The following COL11A1 variants were observed in gnomAD, a reference collection of about 807,000 sequenced individuals.
COL11A1 encodes collagen type XI alpha 1 chain, also known as collagen alpha-1(XI) chain.
COL11A1 carries 74 observed loss-of-function variants against 265.2 expected under a neutral mutation model. That is an observed-to-expected ratio of 0.28 (90% CI 0.23 to 0.34). The LOEUF is 0.34. COL11A1 is among the 10% of genes least tolerant of loss of function. The pLI is 1.00. For synonymous variants in COL11A1, 816 were observed against 727.6 expected, an observed-to-expected ratio of 1.12 and a Z score of -1.96; for missense variants, 2,165 against 2,263.6, an observed-to-expected ratio of 0.96 and a Z score of 0.88.
At chr1:102,899,485 T>C (rs1197639460) in intron 54 of COL11A1, among the ~76,000 whole-genome samples, 1 of 152,110 alleles carries the variant, frequency 6.6e-6, no homozygotes, top group Non-Finnish European at 1.5e-5. Context: ...ATTATGATGG[T>C]CAACAGACAC....
chr1:102,898,172 G>T lies in COL11A1; in HGVS notation c.4255C>A (p.Gln1419Lys). Residue 1419 changes from glutamine (Q) to lysine (K), a missense_variant, in exon 57 of 67, where the codon CAA becomes AAA. Physicochemically the swap from Gln to Lys is moderately conservative, Grantham distance 53. Transcript: ENST00000370096. ...TGGCCTGCAGCTCCAGGGAGACCTT[G>T]TTCTCCCTAGAGAAAATAAAAATGA... ...LRGIPGPVGEQGLPGAAGQDG... is the reference protein window; with the variant it reads ...LRGIPGPVGEKGLPGAAGQDG... The T allele has an allele frequency of 7.0e-7, 1 of 1,424,164 alleles. No homozygotes were observed. The highest frequency in any genetic ancestry group is 9.3e-7 in the Non-Finnish European group (1 of 1,074,438). 88.2% of individuals were successfully genotyped at this position (1,424,164 alleles called of 1,614,324 possible). A position where few individuals can be genotyped will look rare whatever the true frequency, so the allele number is the denominator to read the frequency against.
chr1:102,970,296 C>G, intron 36 of COL11A1, 24 bp from the exon 37 acceptor site: 2 of 1,570,714 alleles, frequency 1.3e-6, no homozygotes, highest in Admixed American at 1.7e-5. Flanking sequence ...TATTAAATAC[C>G]ACATGTCATA....
In COL11A1 at chr1:102,877,913, C is replaced by T. The variant is rs878890922; in HGVS notation, c.*106G>A. 4.0e-5 allele frequency: 45 copies of T among 1,118,648 alleles called. No individual in the cohort carries two copies. Among genetic ancestry groups the T allele is most frequent in the South Asian group, 3.0e-4 (24 of 79,804 alleles). 69.3% of individuals were successfully genotyped at this position (1,118,648 alleles called of 1,614,324 possible). A position where few individuals can be genotyped will look rare whatever the true frequency, so the allele number is the denominator to read the frequency against. On this transcript the variant is annotated 3_prime_UTR_variant, in exon 67 of 67. Transcript: ENST00000370096. ...TCCTAAATGGTACCTGTATATGCAG[C>T]GTTGTTTTCTATACCATCCTTATTC...
intron 54 of COL11A1, among the ~76,000 whole-genome samples, chr1:102,901,432 CCACT>C: frequency 6.6e-6 from 1 of 152,154 alleles, no homozygotes; most frequent in Admixed American, 6.5e-5. Flanking sequence ...CAAAATGTGG[CCACT>C]CAATCTTGGA....
intron 2 of COL11A1, among the ~76,000 whole-genome samples, chr1:103,080,581 G>A (rs1012966619): frequency 3.3e-5 from 5 of 151,726 alleles, no homozygotes; most frequent in East Asian, 1.9e-4. Flanking sequence ...GCTCAACATC[G>A]TTAATCATTA....
At chr1:102,881,384 T>A (rs1650217759) in intron 65 of COL11A1, among the ~76,000 whole-genome samples, 1 of 152,154 alleles carries the variant, frequency 6.6e-6, no homozygotes, top group Admixed American at 6.6e-5. Flanking sequence ...AGATATTATA[T>A]TCTTTATACC....
chr1:103,103,330 A>G (rs1249813073), intron 1 of COL11A1, among the ~76,000 whole-genome samples: 1 of 152,010 alleles, frequency 6.6e-6, no homozygotes, highest in Non-Finnish European at 1.5e-5. Context: ...TGAAATAAAT[A>G]TATAATTTTC....
chr1:103,058,311 C>T lies in COL11A1; in HGVS notation c.651+16307G>A, dbSNP rs530126894. ...TAAGGCCTTGTTCTGGATTAAGCTG[C>T]GGCATAAGAGAATGTTGTGGCTGGT... is the stretch of plus-strand genomic sequence containing the variant. On this transcript the variant is annotated intron_variant, in intron 4 of 66. Transcript: ENST00000370096. Among the ~76,000 whole-genome samples the T allele has an allele frequency of 2.1e-4, 32 of 152,278 alleles. No individual in the cohort carries two copies. In the South Asian group the frequency reaches 3.5e-3, roughly 17 times the overall value.
intron 4 of COL11A1, among the ~76,000 whole-genome samples, chr1:103,040,700 T>C (rs544559729): frequency 1.3e-5 from 2 of 151,896 alleles, no homozygotes; most frequent in Non-Finnish European, 3.0e-5. Flanking sequence ...AAGAGGATTT[T>C]AAAACAAAAT....
chr1:103,080,433 G>T (rs1214707246), intron 2 of COL11A1, among the ~76,000 whole-genome samples: 1 of 151,688 alleles, frequency 6.6e-6, no homozygotes, highest in South Asian at 2.1e-4. Context: ...CTGATAAGGG[G>T]TTAATATTAA....
In COL11A1 at chr1:103,078,843, T is replaced by C; in HGVS notation, c.303A>G (p.Ile101Met). 1 of 1,610,942 alleles carries C rather than the reference T, an allele frequency of 6.2e-7. No individual in the cohort carries two copies. Among genetic ancestry groups the C allele is most frequent in the Non-Finnish European group, 8.5e-7 (1 of 1,177,778 alleles). Residue 101 changes from isoleucine to methionine, a missense_variant, in exon 3 of 67, where the codon ATA (isoleucine) becomes ATG (methionine). Transcript: ENST00000370096. ...PGGTFPEDFS[I>M]LFTVKPKKGI... ...CTTTTTTTGGTTTTACTGTAAATAG[T>C]ATTGAAAAGTCTTCTGGGAAAGTTC...
chr1:102,939,191 T>G, intron 43 of COL11A1, 103 bp from the exon 44 acceptor site: 1 of 1,016,372 alleles, frequency 9.8e-7, no homozygotes, highest in Non-Finnish European at 1.5e-6. Context: ...AATTACATGC[T>G]AGTGTGTAAT....
intron 35 of COL11A1, among the ~76,000 whole-genome samples, chr1:102,976,651 A>G (rs1265776214): frequency 6.6e-6 from 1 of 152,110 alleles, no homozygotes; most frequent in African/African-American, 2.4e-5. Context: ...ATTTTAAGAA[A>G]TCCATAATGA....
chr1:102,995,885 G>T lies in COL11A1; in HGVS notation c.2319C>A (p.Leu773=). The change falls in exon 28 of 67, where the codon CTC becomes CTA. Residue 773 remains leucine (L), a synonymous_variant. Transcript: ENST00000370096. The stretch of plus-strand genomic sequence containing the variant: ...TTACCTTTTCACCTTTAGATCCCTT[G>T]AGACCTCTGACACCATCTGCTCCCT... The part of the protein sequence containing the change: ...GVKGADGVRG[L]KGSKGEKGED... 6.2e-7 allele frequency: 1 copy of T among 1,611,048 alleles called. No individual in the cohort carries two copies. Among genetic ancestry groups the T allele is most frequent in the Non-Finnish European group, 8.5e-7 (1 of 1,178,512 alleles).
Position 102,939,283 on chromosome 1 carries a change from G to A in COL11A1, c.3385-195C>T, listed in dbSNP as rs577384022. 4.0e-4 allele frequency among the ~76,000 whole-genome samples: 61 copies of A among 152,160 alleles called. 1 individual carries two copies. The highest frequency in any genetic ancestry group is 1.3e-3 in the African/African-American group (56 of 41,530). Reference sequence around the variant, plus strand: ...GACTAATATGTTAACAGACAAGTCCGTTTAACTTCAAAGTATACTACAACT... The same window carrying A: ...GACTAATATGTTAACAGACAAGTCCATTTAACTTCAAAGTATACTACAACT... On this transcript the variant is annotated intron_variant, in intron 43 of 66. Coordinates refer to ENST00000370096, the MANE Select transcript of COL11A1 (RefSeq NM_001854.4).
At chr1:103,070,545 G>A (rs1438404119) in intron 4 of COL11A1, among the ~76,000 whole-genome samples, 1 of 151,856 alleles carries the variant, frequency 6.6e-6, no homozygotes, top group Non-Finnish European at 1.5e-5. Context: ...TCTGGGGTTA[G>A]GATGGAAGAA....
intron 31 of COL11A1, chr1:102,979,665 G>C: frequency 1.7e-6 from 1 of 600,112 alleles, no homozygotes; most frequent in South Asian, 1.7e-5. Flanking sequence ...TTAACCTTCT[G>C]AGTAAATGAA....
chr1:103,003,260 T>C lies in COL11A1; in HGVS notation c.1953A>G (p.Arg651=). ...PRGLPGEAGP[R]GLLGPRGTPG... ...GAGTTCCCCTTGGACCCAGCAAACC[T>C]CGTGGGCCCTAGGAGAAAAAGAAAA... Residue 651 remains arginine, a synonymous_variant, in exon 21 of 67, where the codon CGA becomes CGG. Transcript: ENST00000370096. The C allele has an allele frequency of 6.2e-7, 1 of 1,612,452 alleles. No homozygotes were observed. Among genetic ancestry groups the C allele is most frequent in the Non-Finnish European group, 8.5e-7 (1 of 1,179,628 alleles).
chr1:103,083,248 CTGTG>C (rs76992260), intron 1 of COL11A1, among the ~76,000 whole-genome samples: 22,789 of 148,098 alleles, frequency 0.15, 1,847 homozygotes, highest in Non-Finnish European at 0.16. Context: ...GTGTCTGTGT[CTGTG>C]TGTGTGTGTG....
Sources: gnomAD v4.1 joint callset for allele counts (sites outside exome capture counted in the v4.1 genomes callset) on GRCh38, gnomAD v4.1.1 for gene constraint, MANE v1.5 for transcripts, NCBI Gene and HGNC (gene_info 2026-07-23, HGNC 2026-07-21) for gene names.